The following KCNMB2 variants were observed in gnomAD, a reference collection of about 807,000 sequenced individuals.
KCNMB2 encodes the protein potassium calcium-activated channel subfamily M regulatory beta subunit 2.
Under a neutral mutation model 24.5 loss-of-function variants are expected in KCNMB2, and 9 were observed. The observed-to-expected ratio is 0.37, with a 90% CI of 0.22 to 0.64. The LOEUF is 0.64. Ranked by LOEUF, KCNMB2 falls within the 30% of genes least tolerant of loss-of-function variation. The pLI, the probability that KCNMB2 is intolerant of heterozygous loss-of-function variation, is 0.63. For synonymous variants in KCNMB2, 109 were observed against 104.4 expected, an observed-to-expected ratio of 1.04 and a Z score of -0.27; for missense variants, 226 against 284.3, an observed-to-expected ratio of 0.79 and a Z score of 1.47.
chr3:178,760,315 T>A (rs1711777035), intron 1 of KCNMB2, among the ~76,000 whole-genome samples: 1 of 121,690 alleles, frequency 8.2e-6, no homozygotes, highest in Non-Finnish European at 1.7e-5. Flanking sequence ...TATATCTATA[T>A]ATAGATATAT....
intron 1 of KCNMB2, among the ~76,000 whole-genome samples, chr3:178,549,825 G>C (rs1715889252): frequency 1.3e-5 from 2 of 152,092 alleles, no homozygotes; most frequent in Non-Finnish European, 2.9e-5. Flanking sequence ...ACTTTACCTA[G>C]AGTTTATCTA....
chr3:178,778,330 T>TA lies in KCNMB2; in HGVS notation c.-67-29006dup, dbSNP rs111400235. Among the ~76,000 whole-genome samples the TA allele has an allele frequency of 1.6e-3, 237 of 152,026 alleles. 3 individuals are homozygous for TA. The highest frequency in any genetic ancestry group is 0.011 in the South Asian group (54 of 4,804). On this transcript the variant is annotated intron_variant, in intron 1 of 4. Coordinates refer to ENST00000452583, the MANE Select transcript of KCNMB2 (RefSeq NM_181361.3). ...ACCAATAATAATTCTATTTTAAAAA[T>TA]AAAAAAACAGGCTAAGACGGGCTTA... is the stretch of plus-strand genomic sequence containing the variant.
At chr3:178,596,717 G>T (rs890782368) in intron 1 of KCNMB2, among the ~76,000 whole-genome samples, 1 of 150,194 alleles carries the variant, frequency 6.7e-6, no homozygotes, top group Non-Finnish European at 1.5e-5. Flanking sequence ...CCCAGGAATT[G>T]CCAAACCCTG....
chr3:178,779,878 T>C (rs1712750983), intron 1 of KCNMB2, among the ~76,000 whole-genome samples: 1 of 152,122 alleles, frequency 6.6e-6, no homozygotes, highest in Admixed American at 6.5e-5. Context: ...ATTAACTAAG[T>C]TAAATACTTC....
intron 1 of KCNMB2, among the ~76,000 whole-genome samples, chr3:178,761,722 G>A (rs1433272958): frequency 6.6e-6 from 1 of 152,102 alleles, no homozygotes; most frequent in African/African-American, 2.4e-5. Flanking sequence ...AGTAGCTGCT[G>A]GGAGCTATGC....
intron 1 of KCNMB2, among the ~76,000 whole-genome samples, chr3:178,646,166 G>C (rs1386691899): frequency 3.3e-5 from 5 of 152,130 alleles, no homozygotes; most frequent in African/African-American, 1.2e-4. Context: ...GAGGCTATCT[G>C]TGTCCCTGCC....
At chr3:178,762,423 C>A (rs978096214) in intron 1 of KCNMB2, among the ~76,000 whole-genome samples, 1 of 152,122 alleles carries the variant, frequency 6.6e-6, no homozygotes, top group Non-Finnish European at 1.5e-5. Flanking sequence ...AAAAGGAGTA[C>A]AACACAACAG....
At position 178,536,449 on chromosome 3, in the gene KCNMB2, T is replaced by G. The variant is rs1428039186; in HGVS notation, c.-330T>G. 1 of 152,214 alleles carries G rather than the reference T, an allele frequency of 6.6e-6. No homozygotes were observed. Among genetic ancestry groups the G allele is most frequent in the Non-Finnish European group, 1.5e-5 (1 of 68,024 alleles). 9.4% of individuals were successfully genotyped at this position (152,214 alleles called of 1,614,324 possible). On this transcript the variant is annotated 5_prime_UTR_variant, in exon 1 of 5. Transcript: ENST00000452583. ...ACGCTTTAAAACAGTATGAAGCAGC[T>G]TTAACGGAGCTCCAGATAACTAATT... is the stretch of plus-strand genomic sequence containing the variant.
chr3:178,708,630 T>C (rs1447767526), intron 1 of KCNMB2, among the ~76,000 whole-genome samples: 4 of 152,152 alleles, frequency 2.6e-5, no homozygotes, highest in Non-Finnish European at 4.4e-5. Context: ...TAGCATCACC[T>C]ACAACTTATT....
chr3:178,686,045 T>TGTGA (rs1553835600), intron 1 of KCNMB2, among the ~76,000 whole-genome samples: 1 of 150,094 alleles, frequency 6.7e-6, no homozygotes, highest in Non-Finnish European at 1.5e-5. Context: ...TGTGTGTGTG[T>TGTGA]GAGAGAGAGA....
At chr3:178,803,331 C>A (rs1410675584) in intron 1 of KCNMB2, among the ~76,000 whole-genome samples, 1 of 152,024 alleles carries the variant, frequency 6.6e-6, no homozygotes, top group Non-Finnish European at 1.5e-5. Context: ...AATTTTCTGT[C>A]CAAGCCAATG....
chr3:178,705,795 T>C (rs1383627892), intron 1 of KCNMB2, among the ~76,000 whole-genome samples: 5 of 152,098 alleles, frequency 3.3e-5, no homozygotes, highest in Non-Finnish European at 7.4e-5. Flanking sequence ...TAAAAGGAAA[T>C]ACCAAAATTG....
intron 1 of KCNMB2, among the ~76,000 whole-genome samples, chr3:178,711,450 T>C (rs919675783): frequency 3.9e-5 from 6 of 152,114 alleles, no homozygotes; most frequent in Non-Finnish European, 8.8e-5. Context: ...CAGACAATCA[T>C]TGTGGCCTTG....
At chr3:178,828,738 G>A (rs1714936544) in intron 4 of KCNMB2, among the ~76,000 whole-genome samples, 2 of 152,126 alleles carry the variant, frequency 1.3e-5, no homozygotes, top group Admixed American at 1.3e-4. Context: ...ATCAGGTAAA[G>A]GTGTATTCTG....
At chr3:178,805,301 T>C (rs951836343) in intron 1 of KCNMB2, among the ~76,000 whole-genome samples, 4 of 152,184 alleles carry the variant, frequency 2.6e-5, no homozygotes, top group Non-Finnish European at 5.9e-5. Flanking sequence ...CACAACGATA[T>C]AGTATATGCT....
intron 1 of KCNMB2, among the ~76,000 whole-genome samples, chr3:178,736,658 A>C (rs1268592202): frequency 6.6e-6 from 1 of 152,134 alleles, no homozygotes; most frequent in East Asian, 1.9e-4. Flanking sequence ...AGAAACATAG[A>C]CCCCAAAGGC....
At chr3:178,794,901 C>T (rs765343421) in intron 1 of KCNMB2, among the ~76,000 whole-genome samples, 3 of 152,160 alleles carry the variant, frequency 2.0e-5, no homozygotes, top group Admixed American at 1.3e-4. Context: ...ATCCATCATA[C>T]TCCTTTATGG....
At chr3:178,644,317 G>T (rs148999163) in intron 1 of KCNMB2, among the ~76,000 whole-genome samples, 1 of 152,226 alleles carries the variant, frequency 6.6e-6, no homozygotes, top group Non-Finnish European at 1.5e-5. Flanking sequence ...AGAGAGGTGG[G>T]TCATTATTGG....
intron 1 of KCNMB2, among the ~76,000 whole-genome samples, chr3:178,662,758 AATT>A (rs1249551171): frequency 6.6e-6 from 1 of 152,156 alleles, no homozygotes; most frequent in Non-Finnish European, 1.5e-5. Flanking sequence ...TATAAAATAT[AATT>A]ATAACTAATA....
Sources: allele counts gnomAD v4.1 joint callset (sites outside exome capture counted in the v4.1 genomes callset), GRCh38; gene constraint gnomAD v4.1.1; transcripts MANE v1.5; gene names NCBI Gene and HGNC (gene_info 2026-07-23, HGNC 2026-07-21).